The following RELN variants were observed in gnomAD, a reference collection of about 807,000 sequenced individuals.
RELN encodes reelin.
Under a neutral mutation model 427.6 loss-of-function variants are expected in RELN, and 108 were observed. That is an observed-to-expected ratio of 0.25 (90% confidence interval 0.22 to 0.30). The LOEUF (loss-of-function observed/expected upper bound fraction) is 0.30. Ranked by LOEUF, RELN falls within the 10% of genes least tolerant of loss-of-function variation. RELN has a pLI of 1.00. For synonymous variants in RELN, 1,524 were observed against 1,513.4 expected, an observed-to-expected ratio of 1.01 and a Z score of -0.16; for missense variants, 3,715 against 4,302.8, an observed-to-expected ratio of 0.86 and a Z score of 3.82.
At chr7:103,662,944 T>C (rs1833176702) in intron 11 of RELN, among the ~76,000 whole-genome samples, 2 of 152,186 alleles carry the variant, frequency 1.3e-5, no homozygotes, top group South Asian at 4.1e-4. Flanking sequence ...AGAACATTTC[T>C]AGCACAATCT....
At position 103,988,647 on chromosome 7, in the gene RELN, C is replaced by A. The variant is rs1282541269; in HGVS notation, c.226+484G>T. Among the ~76,000 whole-genome samples the A allele has an allele frequency of 6.6e-6, 1 of 152,146 alleles. No homozygotes were observed. The highest frequency in any genetic ancestry group is 6.5e-5 in the Admixed American group (1 of 15,278). On this transcript the variant is annotated intron_variant, in intron 1 of 64. Transcript: ENST00000428762. This position sits in a 1 kb window ranked among gnomAD's most constrained non-coding sequence, Gnocchi z 4.9. ...GAGCAGCGGGAACTTTGCGGTCGAG[C>A]GGCGCGGGGCAGCCACAGACCTGGG... is the stretch of plus-strand genomic sequence containing the variant.
At chr7:103,879,970 T>C (rs1324831586) in intron 2 of RELN, among the ~76,000 whole-genome samples, 1 of 152,100 alleles carries the variant, frequency 6.6e-6, no homozygotes, top group Non-Finnish European at 1.5e-5. Context: ...GCAATGTTTA[T>C]CAAAATATCA....
intron 4 of RELN, among the ~76,000 whole-genome samples, chr7:103,766,517 A>C (rs1791427917): frequency 6.6e-6 from 1 of 152,222 alleles, no homozygotes; most frequent in African/African-American, 2.4e-5. Flanking sequence ...GATCTGATCT[A>C]CAATTTTTAC....
chr7:103,618,900 C>T (rs1347734152), intron 20 of RELN, among the ~76,000 whole-genome samples: 1 of 152,100 alleles, frequency 6.6e-6, no homozygotes, highest in Non-Finnish European at 1.5e-5. Flanking sequence ...ATCACGAGGT[C>T]AGGAGATCGA....
intron 63 of RELN, among the ~76,000 whole-genome samples, chr7:103,479,592 A>G (rs1828158721): frequency 6.6e-6 from 1 of 152,188 alleles, no homozygotes. Flanking sequence ...AGCATGAGAG[A>G]CTGCTTGTTA....
At chr7:103,595,703 T>C (rs536091961) in intron 25 of RELN, among the ~76,000 whole-genome samples, 1 of 152,166 alleles carries the variant, frequency 6.6e-6, no homozygotes, top group East Asian at 1.9e-4. Context: ...CAAAAAATTA[T>C]TTTTTTGTTA....
At chr7:103,525,116 C>G (rs907313511) in intron 46 of RELN, among the ~76,000 whole-genome samples, 7 of 152,128 alleles carry the variant, frequency 4.6e-5, no homozygotes, top group African/African-American at 1.4e-4. Flanking sequence ...CTGTCTCTCT[C>G]TCTTCCTCTC....
intron 41 of RELN, among the ~76,000 whole-genome samples, chr7:103,548,680 G>A (rs3025936): frequency 0.013 from 1,993 of 152,298 alleles, 34 homozygotes; most frequent in East Asian, 0.059. Context: ...GGTTCTGTAC[G>A]CTATTATTGT....
intron 8 of RELN, 28 bp downstream of exon 8, chr7:103,723,112 A>C: frequency 6.8e-7 from 1 of 1,469,210 alleles, no homozygotes; most frequent in South Asian, 1.1e-5. Flanking sequence ...TCCAAATTAA[A>C]TCGTTATAAC....
intron 5 of RELN, among the ~76,000 whole-genome samples, chr7:103,749,848 C>T (rs975140668): frequency 1.3e-5 from 2 of 152,230 alleles, no homozygotes; most frequent in African/African-American, 4.8e-5. Flanking sequence ...GTGTCCCTAC[C>T]CAAATTCCAT....
chr7:103,711,515 G>T (rs956333673), intron 8 of RELN, among the ~76,000 whole-genome samples: 6 of 152,166 alleles, frequency 3.9e-5, no homozygotes, highest in Admixed American at 3.9e-4. Context: ...AATAAAGAGA[G>T]AATAAGACTT....
intron 3 of RELN, among the ~76,000 whole-genome samples, chr7:103,788,304 C>T (rs930711571): frequency 2.0e-5 from 3 of 152,210 alleles, no homozygotes; most frequent in Non-Finnish European, 4.4e-5. Flanking sequence ...TCTCTCACCA[C>T]TCCTCTTCAA....
chr7:103,508,144 G>A (rs1400051666), intron 51 of RELN, among the ~76,000 whole-genome samples: 9 of 151,984 alleles, frequency 5.9e-5, no homozygotes, highest in South Asian at 4.1e-4. Flanking sequence ...AAACTATTCC[G>A]AACAATAGAA....
At chr7:103,665,306 G>A (rs945733711) in intron 11 of RELN, among the ~76,000 whole-genome samples, 7 of 151,368 alleles carry the variant, frequency 4.6e-5, no homozygotes, top group South Asian at 2.1e-4. Context: ...GTCCATCTCC[G>A]TGTCCAAACC....
intron 2 of RELN, among the ~76,000 whole-genome samples, chr7:103,853,678 G>C (rs1023681489): frequency 6.6e-5 from 10 of 151,130 alleles, no homozygotes; most frequent in Admixed American, 2.6e-4. Flanking sequence ...ACCTATAGTT[G>C]GGAATAAAAT....
chr7:103,589,551 G>A, intron 28 of RELN, 45 bp downstream of exon 28: 2 of 1,266,490 alleles, frequency 1.6e-6, no homozygotes, highest in Non-Finnish European at 2.3e-6. Context: ...ATTTGGGACT[G>A]TGTCTTTCTT....
At chr7:103,707,090 C>G (rs1002652582) in intron 8 of RELN, among the ~76,000 whole-genome samples, 11 of 152,112 alleles carry the variant, frequency 7.2e-5, no homozygotes, top group African/African-American at 2.2e-4. Flanking sequence ...CCTCTCACCC[C>G]AGCCTTCCAA....
chr7:103,927,287 A>C (rs1795766782), intron 1 of RELN, among the ~76,000 whole-genome samples: 1 of 152,216 alleles, frequency 6.6e-6, no homozygotes, highest in South Asian at 2.1e-4. Flanking sequence ...TAAAAATAAC[A>C]TTTGAATTGT....
At chr7:103,661,220 C>T (rs548001644) in intron 12 of RELN, among the ~76,000 whole-genome samples, 156 bp downstream of exon 12, 21 of 152,132 alleles carry the variant, frequency 1.4e-4, no homozygotes, top group Non-Finnish European at 2.4e-4. Context: ...GCCTGAAACA[C>T]GGGGGAGTAC....
Sources: allele counts gnomAD v4.1 joint callset (sites outside exome capture counted in the v4.1 genomes callset), GRCh38; gene constraint gnomAD v4.1.1; non-coding constraint Gnocchi (gnomAD v3.1); transcripts MANE v1.5; gene names NCBI Gene and HGNC (gene_info 2026-07-23, HGNC 2026-07-21).